UGT1A4: variants seen among roughly 807,000 people sequenced by gnomAD.
The protein encoded by UGT1A4 is UDP-glucuronosyltransferase 1A4.
In UGT1A4, 32 loss-of-function variants were observed where a neutral mutation model predicts 41.1. The observed-to-expected ratio is 0.78, with a 90% CI of 0.59 to 1.05. The LOEUF (loss-of-function observed/expected upper bound fraction) is 1.05. Ranked by LOEUF, UGT1A4 falls within the 50% of genes least tolerant of loss-of-function variation. UGT1A4 has a pLI of 0.00. For missense variants in UGT1A4, 748 were observed against 677.4 expected, an observed-to-expected ratio of 1.10 and a Z score of -1.16; for synonymous variants, 283 against 265.1, an observed-to-expected ratio of 1.07 and a Z score of -0.66.
Position 233,768,243 on chromosome 2 carries a change from A to T in UGT1A4, c.1111A>T (p.Ile371Phe). The T allele has an allele frequency of 6.2e-7, 1 of 1,614,146 alleles. No individual in the cohort carries two copies. The highest frequency in any genetic ancestry group is 8.5e-7 in the Non-Finnish European group (1 of 1,180,022). Residue 371 changes from isoleucine to phenylalanine, a missense_variant, in exon 4 of 5, where the codon ATC (isoleucine) becomes TTC (phenylalanine). Ile to Phe is a conservative substitution (Grantham distance 21). Transcript: ENST00000373409. The part of the protein sequence containing the change: ...LLGHPMTRAF[I>F]THAGSHGVYE... Reference sequence around the variant, plus strand: ...AGGTCACCCGATGACCCGTGCCTTTATCACCCATGCTGGTTCCCATGGTGT... The same window carrying T: ...AGGTCACCCGATGACCCGTGCCTTTTTCACCCATGCTGGTTCCCATGGTGT...
At position 233,772,889 on chromosome 2, in the gene UGT1A4, T is replaced by C. The variant is rs1433214773; in HGVS notation, c.*330T>C. 3.8e-6 allele frequency: 2 copies of C among 531,532 alleles called. No homozygotes were observed. The highest frequency in any genetic ancestry group is 5.3e-5 in the East Asian group (1 of 18,828). 32.9% of individuals were successfully genotyped at this position (531,532 alleles called of 1,614,324 possible). On this transcript the variant is annotated 3_prime_UTR_variant, in exon 5 of 5. Transcript: ENST00000373409. Reference sequence around the variant, plus strand: ...TGTTTGGGAGTGCGGGATTCAAAGGTGGTCCCACGGCTGCCCCTACTGCAA... The same window carrying C: ...TGTTTGGGAGTGCGGGATTCAAAGGCGGTCCCACGGCTGCCCCTACTGCAA...
chr2:233,725,626 T>TAGCATATATCTGACATTTAC (rs1183027261), intron 1 of UGT1A4, among the ~76,000 whole-genome samples: 17 of 152,190 alleles, frequency 1.1e-4, no homozygotes, highest in Non-Finnish European at 2.2e-4. Flanking sequence ...CTTCAAAATC[T>TAGCATATATCTGACATTTAC]AGCATATATC....
intron 1 of UGT1A4, among the ~76,000 whole-genome samples, chr2:233,731,847 G>C (rs1360054279): frequency 1.3e-4 from 20 of 152,190 alleles, no homozygotes; most frequent in Non-Finnish European, 7.3e-5. Flanking sequence ...CTAGGTCCTT[G>C]AGGAATCGCC....
At chr2:233,743,265 C>T (rs1186542660) in intron 1 of UGT1A4, 3 of 455,180 alleles carry the variant, frequency 6.6e-6, no homozygotes, top group Admixed American at 3.0e-5. Flanking sequence ...CATCTTCCTC[C>T]ACTTCCACCC....
At chr2:233,764,278 T>C (rs1698524796) in intron 1 of UGT1A4, among the ~76,000 whole-genome samples, 1 of 152,134 alleles carries the variant, frequency 6.6e-6, no homozygotes, top group Admixed American at 6.5e-5. Flanking sequence ...CTTTGGTCAT[T>C]CCGGTAACTG....
chr2:233,719,762 C>T, intron 1 of UGT1A4, 75 bp downstream of exon 1: 1 of 1,612,248 alleles, frequency 6.2e-7, no homozygotes, highest in Non-Finnish European at 8.5e-7. Context: ...CTTACAAGTG[C>T]TTCCATATCT....
Position 233,719,070 on chromosome 2 carries a change from T to A in UGT1A4, c.250T>A (p.Trp84Arg), listed in dbSNP as rs144655870. 1 of 1,614,284 alleles carries A rather than the reference T, an allele frequency of 6.2e-7. No individual in the cohort carries two copies. The highest frequency in any genetic ancestry group is 2.2e-5 in the East Asian group (1 of 44,894). The part of the protein sequence containing the change: ...FFTLTAYAVP[W>R]TQKEFDRVTL... ...CACCCTGACAGCCTATGCTGTTCCATGGACCCAGAAGGAATTTGATCGCGT... is the reference window on the plus strand; with the variant it reads ...CACCCTGACAGCCTATGCTGTTCCAAGGACCCAGAAGGAATTTGATCGCGT... The change falls in exon 1 of 5, where the codon TGG (tryptophan) becomes AGG (arginine). Residue 84 changes from tryptophan to arginine, a missense_variant. Trp to Arg is a moderately radical substitution (Grantham distance 101, BLOSUM62 -3). Transcript: ENST00000373409.
intron 1 of UGT1A4, chr2:233,748,073 A>G (rs1311035028): frequency 6.2e-7 from 1 of 1,613,214 alleles, no homozygotes; most frequent in Non-Finnish European, 8.5e-7. Context: ...GGAAGCCACT[A>G]TCTCAGGTCG....
intron 1 of UGT1A4, chr2:233,747,681 T>G (rs1693750357): frequency 1.2e-6 from 2 of 1,608,352 alleles, no homozygotes; most frequent in Admixed American, 1.7e-5. Flanking sequence ...AATTTACCTC[T>G]GTGGGGCAGT....
intron 1 of UGT1A4, among the ~76,000 whole-genome samples, chr2:233,738,366 T>C (rs1389802664): frequency 6.6e-6 from 1 of 152,176 alleles, no homozygotes; most frequent in African/African-American, 2.4e-5. Context: ...GGTACTGCTA[T>C]AAAACTACTT....
chr2:233,725,210 A>C (rs1180169749), intron 1 of UGT1A4, among the ~76,000 whole-genome samples: 3 of 88,436 alleles, frequency 3.4e-5, no homozygotes, highest in African/African-American at 2.8e-4. Flanking sequence ...AGGCAGAGGC[A>C]GAGGCAGAGG....
At chr2:233,749,888 T>C (rs1316797004) in intron 1 of UGT1A4, among the ~76,000 whole-genome samples, 2 of 151,790 alleles carry the variant, frequency 1.3e-5, no homozygotes. Flanking sequence ...TTCCTGAGGC[T>C]CCCCCCTCCA....
intron 1 of UGT1A4, among the ~76,000 whole-genome samples, chr2:233,757,896 C>T (rs1297679272): frequency 6.6e-6 from 1 of 152,080 alleles, no homozygotes; most frequent in Non-Finnish European, 1.5e-5. Flanking sequence ...GAAACACTTT[C>T]CATGGACGTG....
At chr2:233,726,556 C>T (rs1390760024) in intron 1 of UGT1A4, among the ~76,000 whole-genome samples, 1 of 152,180 alleles carries the variant, frequency 6.6e-6, no homozygotes, top group Non-Finnish European at 1.5e-5. Flanking sequence ...CTTCAAGTCT[C>T]CCACTCTTAC....
In UGT1A4 at chr2:233,769,879, A is replaced by C; in HGVS notation, c.1307+1440A>C. 5 of 413,904 alleles carry C rather than the reference A, an allele frequency of 1.2e-5. No individual in the cohort carries two copies. The highest frequency in any genetic ancestry group is 4.6e-5 in the East Asian group (1 of 21,696). 25.6% of individuals were successfully genotyped at this position (413,904 alleles called of 1,614,324 possible). ...TCTCAAAAAAAAAAAAAAAAATGAA[A>C]AGTCCACATAACCTGAGCATCATGT... On this transcript the variant is annotated intron_variant, in intron 4 of 4. Coordinates refer to ENST00000373409, the MANE Select transcript of UGT1A4 (RefSeq NM_007120.3). The surrounding 1 kb of genome is among the most constrained non-coding windows in gnomAD (Gnocchi z 4.4).
chr2:233,726,371 C>T (rs1294856696), intron 1 of UGT1A4, among the ~76,000 whole-genome samples: 5 of 152,074 alleles, frequency 3.3e-5, no homozygotes, highest in Non-Finnish European at 2.9e-5. Context: ...ACAACAAAAA[C>T]CAAAATTGCT....
intron 1 of UGT1A4, among the ~76,000 whole-genome samples, chr2:233,731,827 A>G (rs1471240623): frequency 6.6e-6 from 1 of 152,154 alleles, no homozygotes; most frequent in Admixed American, 6.5e-5. Flanking sequence ...GTCAAATGGT[A>G]TTTCTAGTTC....
chr2:233,719,459 C>G lies in UGT1A4; in HGVS notation c.639C>G (p.Asn213Lys), dbSNP rs758684998. The change falls in exon 1 of 5, where the codon AAC becomes AAG. Residue 213 changes from asparagine (N) to lysine (K), a missense_variant. Physicochemically the swap from Asn to Lys is moderately conservative, Grantham distance 94. Coordinates refer to ENST00000373409, the MANE Select transcript of UGT1A4 (RefSeq NM_007120.3). ...TGACATTCCTGCAAAGGGTCAAGAACATGCTCTACCCTCTGGCCCTGTCCT... is the reference window on the plus strand; with the variant it reads ...TGACATTCCTGCAAAGGGTCAAGAAGATGCTCTACCCTCTGGCCCTGTCCT... Reference protein sequence around the residue: ...DHMTFLQRVKNMLYPLALSYI... With the variant: ...DHMTFLQRVKKMLYPLALSYI... 3 of 1,613,896 alleles carry G rather than the reference C, an allele frequency of 1.9e-6. No homozygotes were observed.
intron 1 of UGT1A4, among the ~76,000 whole-genome samples, chr2:233,761,774 C>T (rs1257781750): frequency 1.3e-5 from 2 of 152,222 alleles, no homozygotes; most frequent in Non-Finnish European, 2.9e-5. Context: ...GCATTCACAT[C>T]CTCATCGAAA....
Sources: gnomAD v4.1 joint callset for allele counts (sites outside exome capture counted in the v4.1 genomes callset) on GRCh38, gnomAD v4.1.1 for gene constraint, Gnocchi (gnomAD v3.1) non-coding constraint, MANE v1.5 for transcripts, NCBI Gene and HGNC (gene_info 2026-07-23, HGNC 2026-07-21) for gene names.